The following AKAP19 variants were observed in gnomAD, a reference collection of about 807,000 sequenced individuals.
The protein encoded by AKAP19 is A-kinase anchoring protein 19, also known as small A-kinase anchoring protein.
At chr2:190,067,774 A>G in the AKAP19 span, among the ~76,000 whole-genome samples, 17 of 152,308 alleles carry the variant, frequency 1.1e-4, no homozygotes, top group African/African-American at 3.1e-4. Flanking sequence ...AATTCAGGAA[A>G]ACTTCAAAAT....
the AKAP19 span, among the ~76,000 whole-genome samples, chr2:189,982,013 G>C: frequency 6.7e-6 from 1 of 148,504 alleles, no homozygotes; most frequent in African/African-American, 2.5e-5. Flanking sequence ...CATCTTGCAG[G>C]TGTGCTTTAA....
chr2:189,956,786 TG>T, the AKAP19 span, among the ~76,000 whole-genome samples: 1 of 152,080 alleles, frequency 6.6e-6, no homozygotes, highest in Non-Finnish European at 1.5e-5. Flanking sequence ...TCTCACTATG[TG>T]GTCCAGGCTG....
At chr2:190,193,355 T>C in the AKAP19 span, among the ~76,000 whole-genome samples, 2 of 152,278 alleles carry the variant, frequency 1.3e-5, no homozygotes, top group East Asian at 3.9e-4. Flanking sequence ...CTTCTGGGTC[T>C]ATGTTCATGA....
the AKAP19 span, among the ~76,000 whole-genome samples, chr2:190,158,481 G>A: frequency 6.6e-6 from 1 of 152,138 alleles, no homozygotes; most frequent in Non-Finnish European, 1.5e-5. Flanking sequence ...AATAGGAAAT[G>A]GTAAGAATTT....
chr2:190,022,866 A>G, the AKAP19 span, among the ~76,000 whole-genome samples: 1 of 151,834 alleles, frequency 6.6e-6, no homozygotes, highest in African/African-American at 2.4e-5. Flanking sequence ...TTTTTGTTTC[A>G]TTATGCTGGT....
the AKAP19 span, among the ~76,000 whole-genome samples, chr2:190,148,009 G>T: frequency 2.6e-5 from 4 of 152,062 alleles, no homozygotes; most frequent in Non-Finnish European, 5.9e-5. Flanking sequence ...TCTTTCTCTT[G>T]TCTGATTGCT....
the AKAP19 span, among the ~76,000 whole-genome samples, chr2:190,109,537 C>T: frequency 6.6e-6 from 1 of 152,078 alleles, no homozygotes. Context: ...CCACCATATG[C>T]CTGCCTCTTG....
chr2:189,980,892 A>G, the AKAP19 span, among the ~76,000 whole-genome samples: 2 of 152,172 alleles, frequency 1.3e-5, no homozygotes, highest in Admixed American at 6.5e-5. Context: ...AAGATGCTTG[A>G]TATGATTTGG....
the AKAP19 span, among the ~76,000 whole-genome samples, chr2:190,105,226 A>G: frequency 1.5e-4 from 23 of 152,162 alleles, 1 homozygote; most frequent in Non-Finnish European, 3.2e-4. Flanking sequence ...CATGGAATCA[A>G]CCTAGGTGCC....
the AKAP19 span, among the ~76,000 whole-genome samples, chr2:189,943,756 G>T: frequency 6.6e-6 from 1 of 152,350 alleles, no homozygotes; most frequent in South Asian, 2.1e-4. Context: ...CCCACCCCTT[G>T]CACCAGTTTG....
At chr2:189,934,619 T>C in the AKAP19 span, among the ~76,000 whole-genome samples, 22 of 151,930 alleles carry the variant, frequency 1.4e-4, no homozygotes, top group Non-Finnish European at 2.8e-4. Flanking sequence ...TAGTTTTACA[T>C]AATCTTTTAA....
chr2:190,163,937 C>T, the AKAP19 span: 3 of 152,102 alleles, frequency 2.0e-5, no homozygotes, highest in African/African-American at 7.2e-5. Context: ...CTTTTTCAGC[C>T]TCCATTTAGA....
the AKAP19 span, among the ~76,000 whole-genome samples, chr2:190,106,243 G>T: frequency 3.3e-5 from 5 of 152,150 alleles, no homozygotes; most frequent in Non-Finnish European, 5.9e-5. Context: ...TATCTGTTCT[G>T]AGGAGCCTAA....
the AKAP19 span, among the ~76,000 whole-genome samples, chr2:190,082,372 G>A: frequency 1.3e-5 from 2 of 152,208 alleles, no homozygotes; most frequent in Non-Finnish European, 2.9e-5. Flanking sequence ...TTCCCAGCCT[G>A]TCAGGATGGC....
the AKAP19 span, among the ~76,000 whole-genome samples, chr2:190,082,534 A>G: frequency 0.49 from 75,224 of 152,200 alleles, 19,883 homozygotes; most frequent in South Asian, 0.68. Flanking sequence ...GAACCTATAC[A>G]TGCCCACATC....
chr2:190,133,753 A>G, the AKAP19 span, among the ~76,000 whole-genome samples: 4 of 152,216 alleles, frequency 2.6e-5, no homozygotes, highest in Non-Finnish European at 2.9e-5. Context: ...CACAAAAACT[A>G]CATGATCTCA....
the AKAP19 span, among the ~76,000 whole-genome samples, chr2:189,996,306 T>A: frequency 6.6e-6 from 1 of 152,316 alleles, no homozygotes; most frequent in African/African-American, 2.4e-5. Context: ...ATTCTTTCTT[T>A]GTCTTTGTCT....
At chr2:190,067,497 GTTTA>G in the AKAP19 span, among the ~76,000 whole-genome samples, 1 of 152,028 alleles carries the variant, frequency 6.6e-6, no homozygotes, top group Non-Finnish European at 1.5e-5. Context: ...TTAAAACATT[GTTTA>G]TTTAATAGTA....
the AKAP19 span, among the ~76,000 whole-genome samples, chr2:190,026,090 A>G: frequency 6.6e-6 from 1 of 152,212 alleles, no homozygotes; most frequent in African/African-American, 2.4e-5. Context: ...GTCATTAAAC[A>G]TGACTACTTC....
Sources: allele counts gnomAD v4.1 joint callset (sites outside exome capture counted in the v4.1 genomes callset), GRCh38; gene constraint gnomAD v4.1.1; transcripts MANE v1.5; gene names NCBI Gene and HGNC (gene_info 2026-07-23, HGNC 2026-07-21).